ENPP6: variants seen among roughly 807,000 people sequenced by gnomAD.
ENPP6 encodes the protein glycerophosphocholine cholinephosphodiesterase ENPP6.
Under a neutral mutation model 42.0 loss-of-function variants are expected in ENPP6, and 32 were observed. The ratio of observed to expected loss-of-function variants is 0.76; its 90% CI spans 0.58 to 1.02. The LOEUF is 1.02. ENPP6 is among the 50% of genes least tolerant of loss of function. The pLI is 0.00. For synonymous variants in ENPP6, 213 were observed against 216.0 expected, an observed-to-expected ratio of 0.99 and a Z score of 0.12; for missense variants, 552 against 566.8, an observed-to-expected ratio of 0.97 and a Z score of 0.27.
At chr4:184,132,434 C>A (rs895411922) in intron 2 of ENPP6, among the ~76,000 whole-genome samples, 2 of 152,080 alleles carry the variant, frequency 1.3e-5, no homozygotes, top group East Asian at 3.9e-4. Context: ...TGCATATGTT[C>A]CAGATATCAA....
At chr4:184,198,214 G>A (rs748676946) in intron 1 of ENPP6, among the ~76,000 whole-genome samples, 3 of 152,242 alleles carry the variant, frequency 2.0e-5, no homozygotes, top group Non-Finnish European at 2.9e-5. Context: ...CTGCCACAGA[G>A]CTGGGAAAAG....
intron 1 of ENPP6, among the ~76,000 whole-genome samples, chr4:184,168,065 G>C (rs1195161423): frequency 6.6e-6 from 1 of 152,128 alleles, no homozygotes; most frequent in African/African-American, 2.4e-5. Context: ...GAACTGGCAG[G>C]AACTGAGGAC....
At chr4:184,163,164 C>T (rs1405793156) in intron 1 of ENPP6, among the ~76,000 whole-genome samples, 1 of 152,192 alleles carries the variant, frequency 6.6e-6, no homozygotes, top group African/African-American at 2.4e-5. Flanking sequence ...TTGCACTAAA[C>T]ATCAGAGACC....
chr4:184,168,873 G>C (rs1411128853), intron 1 of ENPP6, among the ~76,000 whole-genome samples: 1 of 152,230 alleles, frequency 6.6e-6, no homozygotes, highest in African/African-American at 2.4e-5. Context: ...TGCCTGGGCT[G>C]TCCTGGCTGG....
chr4:184,144,863 G>A (rs1187446657), intron 2 of ENPP6, among the ~76,000 whole-genome samples: 1 of 152,236 alleles, frequency 6.6e-6, no homozygotes, highest in Non-Finnish European at 1.5e-5. Flanking sequence ...GTACAATCCC[G>A]TACTCATCGT....
intron 1 of ENPP6, among the ~76,000 whole-genome samples, chr4:184,171,751 G>C (rs1737464483): frequency 6.6e-6 from 1 of 151,846 alleles, no homozygotes; most frequent in African/African-American, 2.4e-5. Context: ...TTAAAAACTT[G>C]TGTGTTCACA....
At chr4:184,116,829 C>T in intron 5 of ENPP6, 27 bp downstream of exon 5, 1 of 1,611,326 alleles carries the variant, frequency 6.2e-7, no homozygotes, top group Non-Finnish European at 8.5e-7. Flanking sequence ...ACATGGCCCT[C>T]CTCCGCCCCC....
intron 2 of ENPP6, among the ~76,000 whole-genome samples, chr4:184,142,385 C>G (rs1346954954): frequency 6.6e-6 from 1 of 152,232 alleles, no homozygotes; most frequent in Non-Finnish European, 1.5e-5. Flanking sequence ...CCTAGAAGCA[C>G]GTAACCTTTT....
intron 1 of ENPP6, among the ~76,000 whole-genome samples, chr4:184,182,608 A>G (rs1213353596): frequency 6.6e-6 from 1 of 152,236 alleles, no homozygotes; most frequent in Non-Finnish European, 1.5e-5. Flanking sequence ...GAATCAACCC[A>G]AATGACCATG....
chr4:184,115,029 C>T (rs758441502), intron 5 of ENPP6, among the ~76,000 whole-genome samples: 25 of 152,032 alleles, frequency 1.6e-4, no homozygotes, highest in Middle Eastern at 3.4e-3. Flanking sequence ...CAGTAGGCTC[C>T]GTGAGTTATG....
Position 184,190,922 on chromosome 4 carries a change from A to C in ENPP6, c.241+26657T>G, listed in dbSNP as rs536914047. The stretch of plus-strand genomic sequence containing the variant: ...CCTCTCTTTTATGCTCAACCCCAGA[A>C]GCGCTTATTGTTCACATTGTCCATT... On this transcript the variant is annotated intron_variant, in intron 1 of 7. Transcript: ENST00000296741. Among the ~76,000 whole-genome samples the C allele has an allele frequency of 2.0e-5, 3 of 152,364 alleles. No individual in the cohort carries two copies. In the East Asian group the frequency reaches 5.8e-4, roughly 29 times the overall value.
At chr4:184,213,005 A>G (rs1010906444) in intron 1 of ENPP6, among the ~76,000 whole-genome samples, 2 of 151,882 alleles carry the variant, frequency 1.3e-5, no homozygotes, top group African/African-American at 4.8e-5. Flanking sequence ...TCCCTATTTA[A>G]TAAATGGTGC....
At chr4:184,106,808 G>A (rs1373208597) in intron 6 of ENPP6, among the ~76,000 whole-genome samples, 1 of 152,212 alleles carries the variant, frequency 6.6e-6, no homozygotes, top group Non-Finnish European at 1.5e-5. Context: ...GCTCCCCACT[G>A]TGGAATTAGA....
In ENPP6 at chr4:184,097,325, C is replaced by T. The variant is rs777482804; in HGVS notation, c.1037G>A (p.Arg346Gln). The T allele has an allele frequency of 1.1e-5, 18 of 1,614,086 alleles. No individual in the cohort carries two copies. Among genetic ancestry groups the T allele is most frequent in the Middle Eastern group, 1.6e-4 (1 of 6,082 alleles). ...GTGCCATCCACGCTGCCAACCTTCCCGCCTGCCGGTGCTGTTCATCCAAAA... is the reference window on the plus strand; with the variant it reads ...GTGCCATCCACGCTGCCAACCTTCCTGCCTGCCGGTGCTGTTCATCCAAAA... ...LPFWMNSTGR[R>Q]EGWQRGWHGY... Residue 346 changes from arginine (R) to glutamine (Q), a missense_variant, in exon 7 of 8, where the codon CGG becomes CAG. Arg to Gln is a conservative substitution (Grantham distance 43, BLOSUM62 1). Coordinates refer to ENST00000296741, the MANE Select transcript of ENPP6 (RefSeq NM_153343.4).
At chr4:184,201,589 C>T (rs929897975) in intron 1 of ENPP6, among the ~76,000 whole-genome samples, 1 of 152,116 alleles carries the variant, frequency 6.6e-6, no homozygotes, top group Admixed American at 6.6e-5. Flanking sequence ...CAGCTGAATG[C>T]CATATAATCA....
At chr4:184,111,362 T>C (rs1029464964) in intron 6 of ENPP6, among the ~76,000 whole-genome samples, 2 of 152,260 alleles carry the variant, frequency 1.3e-5, no homozygotes, top group African/African-American at 4.8e-5. Context: ...TGGTGTGATC[T>C]GGAAGGCTGG....
chr4:184,134,013 AATAC>A (rs1736687280), intron 2 of ENPP6, among the ~76,000 whole-genome samples: 1 of 152,004 alleles, frequency 6.6e-6, no homozygotes, highest in Non-Finnish European at 1.5e-5. Context: ...TCAGGATGCA[AATAC>A]TTTGTTTCTA....
chr4:184,169,796 G>GTC (rs1463879410), intron 1 of ENPP6, among the ~76,000 whole-genome samples: 1 of 152,206 alleles, frequency 6.6e-6, no homozygotes, highest in Non-Finnish European at 1.5e-5. Context: ...GACTACCTAC[G>GTC]TTTACCTCTC....
rs114909033 is a variant in ENPP6 at position 184,200,282 on chromosome 4, C to T, written c.241+17297G>A. Among the ~76,000 whole-genome samples the T allele has an allele frequency of 9.1e-3, 1,385 of 152,324 alleles. 24 individuals are homozygous for T. The highest frequency in any genetic ancestry group is 0.032 in the African/African-American group (1,316 of 41,576). On this transcript the variant is annotated intron_variant, in intron 1 of 7. Transcript: ENST00000296741. ...ACCCCATTGACCAGCGTCCCAAGGA[C>T]GTCCGGACCCACTCGGCACATCTGT...
Sources: gnomAD v4.1 joint callset for allele counts (sites outside exome capture counted in the v4.1 genomes callset) on GRCh38, gnomAD v4.1.1 for gene constraint, MANE v1.5 for transcripts, NCBI Gene and HGNC (gene_info 2026-07-23, HGNC 2026-07-21) for gene names.